Variants in KHDRBS3 observed in about 807,000 individuals in gnomAD.
The protein encoded by KHDRBS3 is KH RNA binding domain containing, signal transduction associated 3, also known as KH domain-containing, RNA-binding, signal transduction-associated protein 3.
A neutral mutation model predicts 45.6 loss-of-function variants in KHDRBS3; 23 were observed. The ratio of observed to expected loss-of-function variants is 0.50; its 90% CI spans 0.36 to 0.72. KHDRBS3 has a LOEUF of 0.72. Among genes scored for constraint, KHDRBS3 ranks in the 30% least tolerant of loss-of-function variants. The pLI is 0.00. For synonymous variants in KHDRBS3, 162 were observed against 156.5 expected, an observed-to-expected ratio of 1.04 and a Z score of -0.26; for missense variants, 352 against 424.8, an observed-to-expected ratio of 0.83 and a Z score of 1.51.
chr8:135,584,907 A>G (rs1828390941), intron 6 of KHDRBS3, among the ~76,000 whole-genome samples: 1 of 152,096 alleles, frequency 6.6e-6, no homozygotes, highest in Admixed American at 6.5e-5. Flanking sequence ...GGGGAATGGG[A>G]AGTAAATTCT....
At chr8:135,618,721 T>C (rs1830017652) in intron 7 of KHDRBS3, among the ~76,000 whole-genome samples, 1 of 152,096 alleles carries the variant, frequency 6.6e-6, no homozygotes, top group African/African-American at 2.4e-5. Flanking sequence ...AGAGTGAAAA[T>C]ATTATATGAT....
chr8:135,536,687 G>A (rs1379202784), intron 2 of KHDRBS3, among the ~76,000 whole-genome samples: 5 of 151,982 alleles, frequency 3.3e-5, no homozygotes, highest in Non-Finnish European at 5.9e-5. Flanking sequence ...TTGGCCGGGC[G>A]CGGTGGCTCA....
intron 1 of KHDRBS3, among the ~76,000 whole-genome samples, chr8:135,503,205 T>C (rs1823820806): frequency 6.6e-6 from 1 of 152,210 alleles, no homozygotes; most frequent in Non-Finnish European, 1.5e-5. Flanking sequence ...GTGTATAATA[T>C]AATAAAACAC....
At chr8:135,481,469 G>A (rs896932636) in intron 1 of KHDRBS3, among the ~76,000 whole-genome samples, 1 of 151,880 alleles carries the variant, frequency 6.6e-6, no homozygotes, top group African/African-American at 2.4e-5. Flanking sequence ...CACTGGATTG[G>A]AATCTTCTTT....
chr8:135,476,378 G>A (rs1286923117), intron 1 of KHDRBS3, among the ~76,000 whole-genome samples: 1 of 151,966 alleles, frequency 6.6e-6, no homozygotes, highest in Non-Finnish European at 1.5e-5. Flanking sequence ...TCCTGACCTC[G>A]TGATCCACCC....
chr8:135,488,677 A>T (rs1822988510), intron 1 of KHDRBS3, among the ~76,000 whole-genome samples: 1 of 152,214 alleles, frequency 6.6e-6, no homozygotes, highest in African/African-American at 2.4e-5. Context: ...TATTCATAGT[A>T]TAGACTTCAT....
intron 6 of KHDRBS3, among the ~76,000 whole-genome samples, chr8:135,584,857 A>G (rs902085494): frequency 4.6e-5 from 7 of 152,106 alleles, no homozygotes; most frequent in Admixed American, 6.5e-5. Context: ...GAAAACCTAA[A>G]GATTACTCAC....
At chr8:135,555,977 C>T (rs141736866) in intron 4 of KHDRBS3, among the ~76,000 whole-genome samples, 1,527 of 152,168 alleles carry the variant, frequency 0.01, 23 homozygotes, top group African/African-American at 0.032. Context: ...TGAGTGAGAA[C>T]GTGCGGTATT....
intron 2 of KHDRBS3, chr8:135,539,979 G>A (rs1825965456): frequency 2.6e-5 from 4 of 152,104 alleles, no homozygotes; most frequent in Admixed American, 2.6e-4. Context: ...AGATTCTTCT[G>A]TATAAAATTA....
At chr8:135,521,401 A>AG (rs1276142052) in intron 2 of KHDRBS3, 46 bp downstream of exon 2, 3 of 1,022,860 alleles carry the variant, frequency 2.9e-6, no homozygotes, top group East Asian at 4.8e-5. Context: ...CCTGAATCAA[A>AG]GGGGAGCAGA....
At chr8:135,489,152 T>G (rs1823012860) in intron 1 of KHDRBS3, among the ~76,000 whole-genome samples, 1 of 152,184 alleles carries the variant, frequency 6.6e-6, no homozygotes, top group South Asian at 2.1e-4. Flanking sequence ...TCTTTTTTCT[T>G]TTTTGGTAAT....
At chr8:135,653,324 T>G (rs1202788151) in intron 4 of KHDRBS3, among the ~76,000 whole-genome samples, 3 of 152,204 alleles carry the variant, frequency 2.0e-5, no homozygotes, top group Non-Finnish European at 4.4e-5. Context: ...TAGTGGGAAC[T>G]GACAGGGTGT....
chr8:135,542,376 G>A, intron 2 of KHDRBS3: 1 of 346,478 alleles, frequency 2.9e-6, no homozygotes, highest in Non-Finnish European at 5.3e-6. Context: ...TGTTAGGATA[G>A]CAACCGAGGA....
intron 6 of KHDRBS3, among the ~76,000 whole-genome samples, chr8:135,605,639 C>T (rs942205141): frequency 3.3e-5 from 5 of 152,106 alleles, no homozygotes; most frequent in African/African-American, 1.2e-4. Flanking sequence ...ATAATCAGCC[C>T]TGCAGAACAT....
chr8:135,642,333 G>T (rs1234996369), intron 7 of KHDRBS3, among the ~76,000 whole-genome samples: 1 of 152,198 alleles, frequency 6.6e-6, no homozygotes, highest in African/African-American at 2.4e-5. Flanking sequence ...GGCTCAGCTT[G>T]GGCCTCAGCT....
rs115953105 is a variant in KHDRBS3, at chr8:135,613,086, A to G, written c.890+6049A>G. Reference sequence around the variant, plus strand: ...GCAAGACAGTCCACAAGCCGCAGAGAGAGAACTGGAAAGCGGCCCCTCATA... The same window carrying G: ...GCAAGACAGTCCACAAGCCGCAGAGGGAGAACTGGAAAGCGGCCCCTCATA... On this transcript the variant is annotated intron_variant, in intron 7 of 8. Coordinates refer to ENST00000355849, the MANE Select transcript of KHDRBS3 (RefSeq NM_006558.3). 8.3e-3 allele frequency among the ~76,000 whole-genome samples: 1,254 copies of G among 151,922 alleles called. 36 individuals are homozygous for G. Among genetic ancestry groups the G allele is most frequent in the African/African-American group, 0.029 (1,178 of 41,210 alleles).
intron 7 of KHDRBS3, among the ~76,000 whole-genome samples, chr8:135,615,364 GACACACAC>G (rs752557939): frequency 2.0e-5 from 3 of 149,264 alleles, no homozygotes; most frequent in Non-Finnish European, 4.5e-5. Flanking sequence ...TAGTGTATCA[GACACACAC>G]ACACACACAC....
At chr8:135,646,928 C>CT (rs1831313818) in intron 8 of KHDRBS3, 65 bp from the exon 9 acceptor site, 1 of 880,714 alleles carries the variant, frequency 1.1e-6, no homozygotes, top group African/African-American at 1.7e-5. Flanking sequence ...AAGTTAGAGT[C>CT]TGAAAAATGA....
chr8:135,499,462 T>G (rs555161815), intron 1 of KHDRBS3, among the ~76,000 whole-genome samples: 2 of 152,346 alleles, frequency 1.3e-5, no homozygotes, highest in Admixed American at 1.3e-4. Context: ...TTAAAACTCC[T>G]GATAGACTTG....
Sources: gnomAD v4.1 joint callset for allele counts (sites outside exome capture counted in the v4.1 genomes callset) on GRCh38, gnomAD v4.1.1 for gene constraint, MANE v1.5 for transcripts, NCBI Gene and HGNC (gene_info 2026-07-23, HGNC 2026-07-21) for gene names.